Variants in BCAR3 observed in about 807,000 individuals in gnomAD.
BCAR3 encodes the protein BCAR3 adaptor protein, NSP family member, also known as breast cancer anti-estrogen resistance protein 3.
In BCAR3, 37 loss-of-function variants were observed where a neutral mutation model predicts 80.1. That is an observed-to-expected ratio of 0.46 (90% CI 0.36 to 0.61). BCAR3 has a LOEUF of 0.61. BCAR3 is among the 20% of genes least tolerant of loss of function. The probability of loss-of-function intolerance (pLI) is 0.00; values close to 1 mark genes in which losing one functional copy is unlikely to be tolerated. For synonymous variants in BCAR3, 389 were observed against 418.9 expected (o/e 0.93, Z 0.87); for missense variants, 978 against 1,068.2 (o/e 0.92, Z 1.18).
At chr1:93,581,803 T>C (rs1673720783) in intron 7 of BCAR3, among the ~76,000 whole-genome samples, 2 of 152,266 alleles carry the variant, frequency 1.3e-5, no homozygotes, top group Admixed American at 6.5e-5. Context: ...ATAAAATAAA[T>C]ATGTAATGCA....
At chr1:93,584,193 G>A in intron 5 of BCAR3, 72 bp from the exon 6 acceptor site, 1 of 1,386,732 alleles carries the variant, frequency 7.2e-7, no homozygotes, top group East Asian at 2.4e-5. Flanking sequence ...CAATGCCATG[G>A]GAACTTAAAC....
chr1:93,713,193 G>T (rs907869699), intron 2 of BCAR3, among the ~76,000 whole-genome samples: 7 of 152,124 alleles, frequency 4.6e-5, no homozygotes, highest in African/African-American at 1.7e-4. Flanking sequence ...ACGGGTAGTG[G>T]CTTCTGTATT....
chr1:93,676,729 C>T (rs1648506463), intron 1 of BCAR3, among the ~76,000 whole-genome samples: 1 of 152,248 alleles, frequency 6.6e-6, no homozygotes, highest in African/African-American at 2.4e-5. Context: ...CACACATACA[C>T]ACCACAGTTG....
chr1:93,642,205 T>G (rs1265732036), intron 3 of BCAR3, 99 bp downstream of exon 3: 16 of 1,386,534 alleles, frequency 1.2e-5, no homozygotes, highest in Non-Finnish European at 1.6e-5. Flanking sequence ...ATCAGCTTTT[T>G]ACACAAACCA....
At chr1:93,734,297 T>C (rs916619905) in intron 2 of BCAR3, among the ~76,000 whole-genome samples, 1 of 152,226 alleles carries the variant, frequency 6.6e-6, no homozygotes, top group Non-Finnish European at 1.5e-5. Flanking sequence ...AGTGCATGGA[T>C]ATATTTTCAG....
At chr1:93,731,839 A>G (rs1650803693) in intron 2 of BCAR3, among the ~76,000 whole-genome samples, 1 of 152,100 alleles carries the variant, frequency 6.6e-6, no homozygotes, top group Non-Finnish European at 1.5e-5. Flanking sequence ...GAGTGGGAAT[A>G]TTATCCTCCC....
At chr1:93,600,593 T>A (rs1333775815) in intron 3 of BCAR3, 1 of 152,246 alleles carries the variant, frequency 6.6e-6, no homozygotes, top group Non-Finnish European at 1.5e-5. Context: ...GCCTCCTTCA[T>A]AAGTCAAGTA....
chr1:93,781,747 T>C (rs182573423), intron 2 of BCAR3, among the ~76,000 whole-genome samples: 11 of 152,224 alleles, frequency 7.2e-5, no homozygotes, highest in Non-Finnish European at 1.2e-4. Context: ...CTCCTATGCC[T>C]GTCTACTTTC....
intron 3 of BCAR3, among the ~76,000 whole-genome samples, chr1:93,704,808 ATTC>A (rs1226185751): frequency 3.9e-5 from 6 of 152,304 alleles, no homozygotes; most frequent in South Asian, 2.1e-4. Context: ...GAGAGCAGCA[ATTC>A]TTCTTCTTTT....
intron 2 of BCAR3, chr1:93,845,504 A>ATATATATATATATATCTC: frequency 1.6e-5 from 1 of 63,732 alleles, no homozygotes. Context: ...ATATATATAA[A>ATATATATATATATATCTC]ACTTTGTTTA....
At chr1:93,676,682 G>C (rs1363490983) in intron 1 of BCAR3, among the ~76,000 whole-genome samples, 1 of 152,164 alleles carries the variant, frequency 6.6e-6, no homozygotes, top group Non-Finnish European at 1.5e-5. Flanking sequence ...CTGAACACAA[G>C]TGACGTAAAC....
At chr1:93,599,972 C>T (rs950102334) in intron 3 of BCAR3, among the ~76,000 whole-genome samples, 1 of 152,198 alleles carries the variant, frequency 6.6e-6, no homozygotes, top group Non-Finnish European at 1.5e-5. Flanking sequence ...CCCTACCTCC[C>T]ATTTCTAGTC....
intron 2 of BCAR3, among the ~76,000 whole-genome samples, chr1:93,745,999 A>T (rs898323572): frequency 6.6e-6 from 1 of 152,258 alleles, no homozygotes; most frequent in African/African-American, 2.4e-5. Flanking sequence ...TAAACATAGT[A>T]TTTGTGTGAA....
chr1:93,757,821 C>T lies in BCAR3; in HGVS notation c.-62-51679G>A, dbSNP rs187276033. On this transcript the variant is annotated intron_variant, in intron 2 of 13. Transcript: ENST00000370244. ...GCCTCTTGCCCATTATTTCTAAGTG[C>T]CATGGGTCAGGTTGTCTGGGAAACA... Among the ~76,000 whole-genome samples the T allele has an allele frequency of 5.3e-5, 8 of 152,276 alleles. No homozygotes were observed. The East Asian group carries it at 1.4e-3, about 26-fold the overall frequency.
At chr1:93,625,714 G>A (rs996080738) in intron 3 of BCAR3, among the ~76,000 whole-genome samples, 1 of 152,206 alleles carries the variant, frequency 6.6e-6, no homozygotes, top group African/African-American at 2.4e-5. Flanking sequence ...GACTCGAAAG[G>A]AAATTGCCTT....
At chr1:93,815,254 C>A (rs924645146) in intron 2 of BCAR3, among the ~76,000 whole-genome samples, 2 of 152,196 alleles carry the variant, frequency 1.3e-5, no homozygotes, top group African/African-American at 2.4e-5. Context: ...TTATTCAGTG[C>A]TCTCCTAGGA....
chr1:93,711,888 G>GA (rs952946442), intron 2 of BCAR3, among the ~76,000 whole-genome samples: 1 of 152,052 alleles, frequency 6.6e-6, no homozygotes, highest in Non-Finnish European at 1.5e-5. Context: ...ACTAGATGAT[G>GA]AAAAAAATGC....
Position 93,582,739 on chromosome 1 carries a change from G to A in BCAR3, c.1248C>T (p.Pro416=), listed in dbSNP as rs1299266860. Residue 416 remains proline (P), a synonymous_variant, in exon 7 of 12, where the codon CCC becomes CCT. Coordinates refer to ENST00000260502, the MANE Select transcript of BCAR3 (RefSeq NM_003567.4). ...AGTTGAGCCAGGCAGAGGGAGACGA[G>A]GGAACCTTGAGGAACGGCACCTTGC... is the stretch of plus-strand genomic sequence containing the variant. ...KPCKVPFLKV[P]SSPSAWLNSE... The A allele has an allele frequency of 1.9e-6, 3 of 1,614,036 alleles. No individual in the cohort carries two copies. The highest frequency in any genetic ancestry group is 2.5e-6 in the Non-Finnish European group (3 of 1,180,030).
At chr1:93,646,351 C>T (rs1676147074) in intron 2 of BCAR3, 1 of 152,002 alleles carries the variant, frequency 6.6e-6, no homozygotes, top group Non-Finnish European at 1.5e-5. Flanking sequence ...GCCTGTAATC[C>T]CAGCACTTTG....
Sources: gnomAD v4.1 joint callset for allele counts (sites outside exome capture counted in the v4.1 genomes callset) on GRCh38, gnomAD v4.1.1 for gene constraint, MANE v1.5 for transcripts, NCBI Gene and HGNC (gene_info 2026-07-23, HGNC 2026-07-21) for gene names.